The following CMIP variants were observed in gnomAD, a reference collection of about 807,000 sequenced individuals.
CMIP encodes C-Maf-inducing protein.
Under a neutral mutation model 97.3 loss-of-function variants are expected in CMIP, and 13 were observed. The ratio of observed to expected loss-of-function variants is 0.13; its 90% CI spans 0.09 to 0.21. The LOEUF is 0.21. Among genes scored for constraint, CMIP ranks in the 10% least tolerant of loss-of-function variants. The pLI, the probability that CMIP is intolerant of heterozygous loss-of-function variation, is 1.00. For missense variants in CMIP, 847 were observed against 1,024.9 expected (o/e 0.83, Z 2.37); for synonymous variants, 538 against 436.3 (o/e 1.23, Z -2.91).
At chr16:81,459,302 G>A (rs1906761557) in intron 1 of CMIP, among the ~76,000 whole-genome samples, 1 of 152,168 alleles carries the variant, frequency 6.6e-6, no homozygotes, top group African/African-American at 2.4e-5. Context: ...AAACCTTCTG[G>A]TGACCTTGGA....
rs1225536514 is a variant in CMIP, at chr16:81,652,380, T to A, written c.639+16T>A. 1 of 1,607,330 alleles carries A rather than the reference T, an allele frequency of 6.2e-7. No individual in the cohort carries two copies. The highest frequency in any genetic ancestry group is 1.3e-5 in the African/African-American group (1 of 74,678). On this transcript the variant is annotated intron_variant, in intron 4 of 20. Transcript: ENST00000537098. The surrounding 1 kb of genome is among the most constrained non-coding windows in gnomAD (Gnocchi z 5.2). Reference sequence around the variant, plus strand: ...GCTCTCAGAGGTAAAACCCCTCCCCTGGACCCCTTTACATTGTTTGCCTTT... The same window carrying A: ...GCTCTCAGAGGTAAAACCCCTCCCCAGGACCCCTTTACATTGTTTGCCTTT...
chr16:81,579,955 G>A (rs146248025), intron 1 of CMIP, among the ~76,000 whole-genome samples: 1,961 of 152,234 alleles, frequency 0.013, 36 homozygotes, highest in African/African-American at 0.044. Context: ...GCGAGACTCC[G>A]TCTCAAAAAA....
intron 1 of CMIP, among the ~76,000 whole-genome samples, chr16:81,531,603 A>T (rs150796329): frequency 1.8e-4 from 28 of 152,350 alleles, no homozygotes; most frequent in African/African-American, 6.7e-4. Flanking sequence ...ACGTGCTCAC[A>T]TGGCTTGAGG....
chr16:81,622,714 CACAAGGCT>C (rs1316168600), intron 3 of CMIP, among the ~76,000 whole-genome samples: 1 of 152,162 alleles, frequency 6.6e-6, no homozygotes, highest in African/African-American at 2.4e-5. Flanking sequence ...TGCGGTATCC[CACAAGGCT>C]CTGTTTTCTG....
chr16:81,516,279 C>A (rs1355209444), intron 1 of CMIP, among the ~76,000 whole-genome samples: 1 of 152,308 alleles, frequency 6.6e-6, no homozygotes, highest in East Asian at 1.9e-4. Context: ...ACTCTTGATT[C>A]CTCCGGGGAT....
At position 81,453,153 on chromosome 16, in the gene CMIP, G is replaced by A. The variant is rs937185723; in HGVS notation, c.300+7612G>A. 6.6e-6 allele frequency among the ~76,000 whole-genome samples: 1 copy of A among 152,198 alleles called. No homozygotes were observed. The highest frequency in any genetic ancestry group is 1.5e-5 in the Non-Finnish European group (1 of 68,030). ...GCAGCTGGCTCAGCAGCCCACCTGG[G>A]ATTCAAACCCAGACTCCTGCCTTCC... On this transcript the variant is annotated intron_variant, in intron 1 of 20. Transcript: ENST00000537098. The surrounding 1 kb of genome is among the most constrained non-coding windows in gnomAD (Gnocchi z 4.0).
chr16:81,658,584 T>C (rs903126529), intron 5 of CMIP, among the ~76,000 whole-genome samples: 3 of 152,194 alleles, frequency 2.0e-5, no homozygotes, highest in African/African-American at 7.2e-5. Flanking sequence ...CAATAGGAGT[T>C]TTCCAGGTGG....
intron 1 of CMIP, among the ~76,000 whole-genome samples, chr16:81,472,092 A>G (rs1035410766): frequency 1.9e-4 from 29 of 152,246 alleles, no homozygotes; most frequent in African/African-American, 7.0e-4. Flanking sequence ...ACTCACGCAC[A>G]TGCACATGTG....
intron 1 of CMIP, among the ~76,000 whole-genome samples, chr16:81,483,563 GCCTCTT>G (rs772607167): frequency 0.056 from 8,335 of 148,160 alleles, 274 homozygotes; most frequent in Non-Finnish European, 0.067. Flanking sequence ...CCCTCCCGCA[GCCTCTT>G]CCTCTTCCTC....
intron 1 of CMIP, among the ~76,000 whole-genome samples, chr16:81,576,287 C>G (rs1296247437): frequency 6.6e-6 from 1 of 152,094 alleles, no homozygotes; most frequent in African/African-American, 2.4e-5. Flanking sequence ...ACCTGTAATC[C>G]TAGCTACTCG....
At chr16:81,470,143 C>G (rs974720099) in intron 1 of CMIP, among the ~76,000 whole-genome samples, 1 of 152,228 alleles carries the variant, frequency 6.6e-6, no homozygotes, top group Non-Finnish European at 1.5e-5. Context: ...TTGACAGTTT[C>G]AGTTTAAAGA....
intron 13 of CMIP, among the ~76,000 whole-genome samples, chr16:81,694,850 G>A (rs571898427): frequency 5.3e-4 from 80 of 152,334 alleles, no homozygotes; most frequent in African/African-American, 1.8e-3. Flanking sequence ...ATTTCCCTAA[G>A]TGTTCCTCAG....
intron 1 of CMIP, among the ~76,000 whole-genome samples, chr16:81,489,591 C>T (rs2089373754): frequency 6.6e-6 from 1 of 152,232 alleles, no homozygotes; most frequent in Non-Finnish European, 1.5e-5. Context: ...CCAGCACACC[C>T]TGTCACCAAA....
intron 17 of CMIP, among the ~76,000 whole-genome samples, chr16:81,703,101 C>T (rs904189459): frequency 6.6e-5 from 10 of 152,092 alleles, no homozygotes; most frequent in African/African-American, 2.4e-4. Flanking sequence ...TGACACATGG[C>T]TTCTACTTCC....
intron 1 of CMIP, among the ~76,000 whole-genome samples, chr16:81,491,062 C>T (rs757754904): frequency 2.0e-5 from 3 of 152,106 alleles, no homozygotes; most frequent in Non-Finnish European, 4.4e-5. Context: ...CGTTGGGCTG[C>T]GCGGGCTGAG....
intron 1 of CMIP, among the ~76,000 whole-genome samples, chr16:81,499,556 T>C (rs61733472): frequency 3.5e-4 from 53 of 152,358 alleles, no homozygotes; most frequent in African/African-American, 1.2e-3. Flanking sequence ...CCGGCGCCCA[T>C]GTAGCTTCCT....
chr16:81,475,902 G>T, intron 1 of CMIP: 1 of 383,216 alleles, frequency 2.6e-6, no homozygotes, highest in Non-Finnish European at 5.0e-6. Flanking sequence ...CAGGAGAATG[G>T]CATGAACCCG....
At chr16:81,477,142 T>A (rs1907974283) in intron 1 of CMIP, among the ~76,000 whole-genome samples, 1 of 152,072 alleles carries the variant, frequency 6.6e-6, no homozygotes, top group Non-Finnish European at 1.5e-5. Context: ...CACATCGGGC[T>A]TGGAAATGTC....
intron 1 of CMIP, among the ~76,000 whole-genome samples, chr16:81,467,958 C>T (rs1907307480): frequency 6.7e-6 from 1 of 148,202 alleles, no homozygotes; most frequent in African/African-American, 2.5e-5. Context: ...GAAATCACGG[C>T]TTACTGCATT....
Sources: gnomAD v4.1 joint callset for allele counts (sites outside exome capture counted in the v4.1 genomes callset) on GRCh38, gnomAD v4.1.1 for gene constraint, Gnocchi (gnomAD v3.1) non-coding constraint, MANE v1.5 for transcripts, NCBI Gene and HGNC (gene_info 2026-07-23, HGNC 2026-07-21) for gene names.